GHR: variants seen among roughly 807,000 people sequenced by gnomAD.
GHR encodes GH receptor.
GHR carries 35 observed loss-of-function variants against 67.1 expected under a neutral mutation model. That is an observed-to-expected ratio of 0.52 (90% CI 0.40 to 0.69). The LOEUF (loss-of-function observed/expected upper bound fraction) is 0.69, where lower values mean the gene tolerates loss of function less well. Among genes scored for constraint, GHR ranks in the 30% least tolerant of loss-of-function variants. The probability of loss-of-function intolerance (pLI) is 0.00; values close to 1 mark genes in which losing one functional copy is unlikely to be tolerated. For synonymous variants in GHR, 272 were observed against 269.1 expected, an observed-to-expected ratio of 1.01 and a Z score of -0.10; for missense variants, 792 against 764.6, an observed-to-expected ratio of 1.04 and a Z score of -0.42.
chr5:42,680,405 T>A (rs1038169319), intron 3 of GHR, among the ~76,000 whole-genome samples: 4 of 152,130 alleles, frequency 2.6e-5, no homozygotes, highest in Non-Finnish European at 5.9e-5. Context: ...ATATCCACCA[T>A]AACGGGCCAA....
chr5:42,534,719 C>A (rs974597636), intron 1 of GHR, among the ~76,000 whole-genome samples: 4 of 152,010 alleles, frequency 2.6e-5, no homozygotes, highest in Non-Finnish European at 5.9e-5. Context: ...ACTTTTAGTT[C>A]TTTAAGGAAT....
At chr5:42,534,196 GTGTATATA>G (rs1304533154) in intron 1 of GHR, among the ~76,000 whole-genome samples, 81 of 137,008 alleles carry the variant, frequency 5.9e-4, no homozygotes, top group South Asian at 3.3e-3. Flanking sequence ...ATATGTACAT[GTGTATATA>G]TGTATATATG....
intron 1 of GHR, among the ~76,000 whole-genome samples, chr5:42,454,897 C>T (rs916708199): frequency 4.6e-5 from 7 of 152,118 alleles, no homozygotes; most frequent in African/African-American, 9.7e-5. Context: ...ATTCTGTTCA[C>T]GCAGGTTCAT....
intron 2 of GHR, among the ~76,000 whole-genome samples, chr5:42,597,655 G>T (rs1752145677): frequency 6.6e-6 from 1 of 152,334 alleles, no homozygotes; most frequent in African/African-American, 2.4e-5. Context: ...CTTACATTCA[G>T]GTCCCAGTAT....
chr5:42,610,235 T>C lies in GHR; in HGVS notation c.71-18803T>C, dbSNP rs531471111. Among the ~76,000 whole-genome samples the C allele has an allele frequency of 2.6e-5, 4 of 152,324 alleles. No individual in the cohort carries two copies. In the South Asian group the frequency reaches 8.3e-4, roughly 32 times the overall value. On this transcript the variant is annotated intron_variant, in intron 2 of 9. Transcript: ENST00000230882. ...AGACTAGCTGTGTTCTTGCAGCTGC[T>C]GGCTCCTCCTTGGCAAACACACCAT...
intron 1 of GHR, among the ~76,000 whole-genome samples, chr5:42,527,923 A>G (rs907163697): frequency 6.6e-6 from 1 of 152,170 alleles, no homozygotes; most frequent in Non-Finnish European, 1.5e-5. Context: ...GGAACACAAT[A>G]CATGTGTAAT....
intron 3 of GHR, among the ~76,000 whole-genome samples, chr5:42,677,432 A>G (rs1216874510): frequency 6.6e-6 from 1 of 152,178 alleles, no homozygotes. Flanking sequence ...TCTCAGGAAA[A>G]CATAGACAAA....
chr5:42,481,382 C>T (rs1025037283), intron 1 of GHR, among the ~76,000 whole-genome samples: 14 of 152,224 alleles, frequency 9.2e-5, no homozygotes, highest in African/African-American at 2.6e-4. Flanking sequence ...TTGCTCTTCT[C>T]GAGGAGTATC....
chr5:42,459,424 A>G (rs1041198769), intron 1 of GHR, among the ~76,000 whole-genome samples: 1 of 152,224 alleles, frequency 6.6e-6, no homozygotes, highest in African/African-American at 2.4e-5. Flanking sequence ...AGAAAACCAA[A>G]TACCACATGT....
rs1009650119 is a variant in GHR at position 42,587,323 on chromosome 5, C to A, written c.70+21379C>A. On this transcript the variant is annotated intron_variant, in intron 2 of 9. Coordinates refer to ENST00000230882, the MANE Select transcript of GHR (RefSeq NM_000163.5). ...TTTTCTTTTCCTCCAAACAAAGCAACCATCTCAGAGGGATAGATGGGCTAA... is the reference window on the plus strand; with the variant it reads ...TTTTCTTTTCCTCCAAACAAAGCAAACATCTCAGAGGGATAGATGGGCTAA... 1.3e-5 allele frequency among the ~76,000 whole-genome samples: 2 copies of A among 152,176 alleles called. 1 individual carries two copies. Among genetic ancestry groups the A allele is most frequent in the Admixed American group, 1.3e-4 (2 of 15,282 alleles).
At chr5:42,598,714 C>T (rs1189418311) in intron 2 of GHR, among the ~76,000 whole-genome samples, 3 of 152,206 alleles carry the variant, frequency 2.0e-5, no homozygotes, top group African/African-American at 7.2e-5. Context: ...GCCCCTGGAA[C>T]TCTCTTTATG....
At chr5:42,695,151 C>A in intron 5 of GHR, 62 bp downstream of exon 5, 1 of 1,106,974 alleles carries the variant, frequency 9.0e-7, no homozygotes. Context: ...GGGAAGCCTG[C>A]AAGGTCCAAG....
At chr5:42,649,233 T>C (rs1015787685) in intron 3 of GHR, among the ~76,000 whole-genome samples, 12 of 152,184 alleles carry the variant, frequency 7.9e-5, no homozygotes, top group Non-Finnish European at 1.3e-4. Flanking sequence ...TTGATGTTAG[T>C]TTCCTTTCTT....
chr5:42,590,635 C>T (rs893042266), intron 2 of GHR, among the ~76,000 whole-genome samples: 1 of 152,208 alleles, frequency 6.6e-6, no homozygotes, highest in Non-Finnish European at 1.5e-5. Flanking sequence ...CTATTACAAC[C>T]AGTTATCCAG....
chr5:42,430,029 T>A (rs564991430), intron 1 of GHR, among the ~76,000 whole-genome samples: 28 of 152,374 alleles, frequency 1.8e-4, no homozygotes, highest in African/African-American at 6.7e-4. Flanking sequence ...GTCAGCCATC[T>A]ACTTTTTCTC....
At chr5:42,460,763 T>G (rs1351471881) in intron 1 of GHR, among the ~76,000 whole-genome samples, 1 of 152,130 alleles carries the variant, frequency 6.6e-6, no homozygotes, top group Non-Finnish European at 1.5e-5. Flanking sequence ...AGAAAAAAAA[T>G]GTTTAATAAT....
chr5:42,558,346 T>C (rs371053620), intron 1 of GHR, among the ~76,000 whole-genome samples: 47 of 152,230 alleles, frequency 3.1e-4, no homozygotes, highest in African/African-American at 1.1e-3. Flanking sequence ...TATTTGTTCA[T>C]TTTTGTTATG....
intron 2 of GHR, among the ~76,000 whole-genome samples, chr5:42,576,666 C>G (rs1314817720): frequency 1.3e-5 from 2 of 152,178 alleles, no homozygotes; most frequent in Non-Finnish European, 2.9e-5. Context: ...AGAAAACTAT[C>G]TTGAAGATGT....
At chr5:42,666,706 C>T (rs900342297) in intron 3 of GHR, among the ~76,000 whole-genome samples, 8 of 152,168 alleles carry the variant, frequency 5.3e-5, no homozygotes, top group African/African-American at 1.9e-4. Context: ...GTCCCCAGAG[C>T]AGAATCAACA....
Sources: gnomAD v4.1 joint callset for allele counts (sites outside exome capture counted in the v4.1 genomes callset) on GRCh38, gnomAD v4.1.1 for gene constraint, MANE v1.5 for transcripts, NCBI Gene and HGNC (gene_info 2026-07-23, HGNC 2026-07-21) for gene names.